BACH2: variants seen among roughly 807,000 people sequenced by gnomAD.
BACH2 encodes the protein BACH transcriptional regulator 2, also known as transcription regulator protein BACH2.
A neutral mutation model predicts 61.8 loss-of-function variants in BACH2; 5 were observed. That is an observed-to-expected ratio of 0.08 (90% CI 0.04 to 0.17). The LOEUF (loss-of-function observed/expected upper bound fraction) is 0.17, where lower values mean the gene tolerates loss of function less well. Ranked by LOEUF, BACH2 falls within the 10% of genes least tolerant of loss-of-function variation. The pLI is 1.00. For missense variants in BACH2, 824 were observed against 1,091.1 expected (o/e 0.76, Z 3.45); for synonymous variants, 446 against 440.1 (o/e 1.01, Z -0.17).
intron 3 of BACH2, among the ~76,000 whole-genome samples, chr6:90,207,595 G>A (rs10944481): frequency 0.34 from 50,915 of 151,930 alleles, 9,793 homozygotes; most frequent in Non-Finnish European, 0.43. Context: ...GCATCTAGGA[G>A]GGATTTATAT....
At chr6:90,123,694 C>T (rs905341893) in intron 4 of BACH2, among the ~76,000 whole-genome samples, 4 of 133,832 alleles carry the variant, frequency 3.0e-5, no homozygotes, top group African/African-American at 8.8e-5. Context: ...GGCGTGAACC[C>T]GGGAGGCGGA....
intron 4 of BACH2, among the ~76,000 whole-genome samples, chr6:90,140,825 G>A (rs1784434537): frequency 6.6e-6 from 1 of 152,196 alleles, no homozygotes; most frequent in Non-Finnish European, 1.5e-5. Context: ...AAGTATTCCT[G>A]GTTGGTGCGA....
chr6:90,112,464 A>C (rs1407628936), intron 4 of BACH2, among the ~76,000 whole-genome samples: 1 of 152,224 alleles, frequency 6.6e-6, no homozygotes, highest in Non-Finnish European at 1.5e-5. Context: ...TTCTTACAGA[A>C]AAAAGTCTTC....
chr6:90,073,666 C>T (rs537353649), intron 5 of BACH2, among the ~76,000 whole-genome samples: 9 of 152,228 alleles, frequency 5.9e-5, no homozygotes, highest in East Asian at 3.9e-4. Flanking sequence ...CTGACATGAG[C>T]GGACAAGGAA....
At chr6:90,181,229 ATGT>A (rs2127841117) in intron 4 of BACH2, among the ~76,000 whole-genome samples, 1 of 152,138 alleles carries the variant, frequency 6.6e-6, no homozygotes, top group East Asian at 1.9e-4. Flanking sequence ...GTAAGGTGGT[ATGT>A]TGTTGTGGTT....
chr6:89,966,632 T>C (rs1007535493), intron 6 of BACH2, among the ~76,000 whole-genome samples: 4 of 152,236 alleles, frequency 2.6e-5, no homozygotes, highest in Non-Finnish European at 4.4e-5. Context: ...CTTTTCTATA[T>C]GTTATTCCTG....
chr6:90,026,065 C>T (rs937520916), intron 5 of BACH2, among the ~76,000 whole-genome samples: 2 of 152,020 alleles, frequency 1.3e-5, no homozygotes, highest in Non-Finnish European at 2.9e-5. Flanking sequence ...ATTATTCTGT[C>T]TTAGAAAAAA....
chr6:89,988,650 G>C (rs1776372406), intron 6 of BACH2, among the ~76,000 whole-genome samples: 1 of 152,230 alleles, frequency 6.6e-6, no homozygotes, highest in Admixed American at 6.5e-5. Flanking sequence ...ATGAAATAAG[G>C]AGAGGAGGGT....
At chr6:90,262,803 C>G (rs903771720) in intron 2 of BACH2, among the ~76,000 whole-genome samples, 6 of 152,102 alleles carry the variant, frequency 3.9e-5, no homozygotes, top group Non-Finnish European at 8.8e-5. Flanking sequence ...AGCTATTATC[C>G]CAAGGGACAC....
At chr6:90,289,742 A>C (rs867175997) in intron 1 of BACH2, among the ~76,000 whole-genome samples, 1 of 152,348 alleles carries the variant, frequency 6.6e-6, no homozygotes, top group Middle Eastern at 3.4e-3. Context: ...CCTGCTGGCC[A>C]TGGGTTGGAC....
chr6:89,940,434 G>A (rs1393524134), intron 7 of BACH2, among the ~76,000 whole-genome samples: 1 of 152,210 alleles, frequency 6.6e-6, no homozygotes, highest in Admixed American at 6.5e-5. Context: ...AGGTGACACA[G>A]GCTTGCACCT....
At chr6:90,087,309 C>T (rs182964939) in intron 5 of BACH2, among the ~76,000 whole-genome samples, 3 of 152,238 alleles carry the variant, frequency 2.0e-5, no homozygotes, top group Admixed American at 1.3e-4. Flanking sequence ...AGTGCTTATC[C>T]ACAGATTTAA....
intron 3 of BACH2, among the ~76,000 whole-genome samples, chr6:90,244,639 A>C (rs1770572811): frequency 6.6e-6 from 1 of 151,182 alleles, no homozygotes; most frequent in East Asian, 1.9e-4. Context: ...CACGCACACA[A>C]ATACTCGTGT....
chr6:90,047,390 C>T (rs531590085), intron 5 of BACH2, among the ~76,000 whole-genome samples: 1 of 152,142 alleles, frequency 6.6e-6, no homozygotes, highest in African/African-American at 2.4e-5. Context: ...TATACTGGCA[C>T]GTCCATGGTC....
intron 4 of BACH2, among the ~76,000 whole-genome samples, chr6:90,199,923 A>T (rs1042108036): frequency 3.3e-5 from 5 of 152,224 alleles, no homozygotes; most frequent in African/African-American, 9.6e-5. Flanking sequence ...CACATATAAG[A>T]CATAGGCACA....
chr6:90,158,745 C>A (rs1445543710), intron 4 of BACH2, among the ~76,000 whole-genome samples: 1 of 134,388 alleles, frequency 7.4e-6, no homozygotes, highest in Non-Finnish European at 1.6e-5. Flanking sequence ...AACTCAGTCT[C>A]CCTCTGTGTC....
At chr6:90,232,398 C>A (rs911782113) in intron 3 of BACH2, among the ~76,000 whole-genome samples, 5 of 152,188 alleles carry the variant, frequency 3.3e-5, no homozygotes, top group Non-Finnish European at 7.3e-5. Context: ...ATCACCTCTG[C>A]AAATAGCTGG....
Position 89,950,589 on chromosome 6 carries a change from A to C in BACH2, c.1517T>G (p.Val506Gly), listed in dbSNP as rs985139731. The C allele has an allele frequency of 6.2e-7, 1 of 1,612,280 alleles. No homozygotes were observed. The highest frequency in any genetic ancestry group is 1.3e-5 in the African/African-American group (1 of 75,010). The change falls in exon 7 of 9, where the codon GTC (valine) becomes GGC (glycine). Residue 506 changes from valine (V) to glycine (G), a missense_variant. Physicochemically the swap from Val to Gly is moderately radical, Grantham distance 109. Transcript: ENST00000257749. The surrounding 1 kb of genome is among the most constrained non-coding windows in gnomAD (Gnocchi z 5.3). ...CTCCAAGGGGGGTGAGCGAGGGCAGACTTTGATTGGTACCGGGCAGCTGGT... is the reference window on the plus strand; with the variant it reads ...CTCCAAGGGGGGTGAGCGAGGGCAGCCTTTGATTGGTACCGGGCAGCTGGT... ...PNTSCPVPIK[V>G]CPRSPPLETR... is the part of the protein sequence containing the mutation.
chr6:89,932,587 G>A lies in BACH2; in HGVS notation c.2347C>T (p.Pro783Ser). The change falls in exon 9 of 9, where the codon CCC becomes TCC. Residue 783 changes from proline to serine, a missense_variant. By Grantham distance (74) the Pro-to-Ser change is moderately conservative. This residue lies in a region of BACH2 where 135 missense variants were observed against 142.7 expected (regional missense o/e 0.95). Transcript: ENST00000257749. ...GAAPPGPPWA[P>S]SNTSENCTSG... Reference sequence around the variant, plus strand: ...GTACAATTCTCGGAGGTGTTGCTGGGTGCCCAGGGGGGTCCGGGGGGAGCC... The same window carrying A: ...GTACAATTCTCGGAGGTGTTGCTGGATGCCCAGGGGGGTCCGGGGGGAGCC... 2 of 1,614,064 alleles carry A rather than the reference G, an allele frequency of 1.2e-6. No individual in the cohort carries two copies. Among genetic ancestry groups the A allele is most frequent in the African/African-American group, 1.3e-5 (1 of 75,022 alleles).
Sources: gnomAD v4.1 joint callset for allele counts (sites outside exome capture counted in the v4.1 genomes callset) on GRCh38, gnomAD v4.1.1 for gene constraint, gnomAD v4.1.1 regional missense constraint, Gnocchi (gnomAD v3.1) non-coding constraint, MANE v1.5 for transcripts, NCBI Gene and HGNC (gene_info 2026-07-23, HGNC 2026-07-21) for gene names.